Variants in RIT2 observed in about 807,000 individuals in gnomAD.
RIT2 encodes the protein GTP-binding protein Rit2.
Under a neutral mutation model 23.7 loss-of-function variants are expected in RIT2, and 24 were observed. That is an observed-to-expected ratio of 1.01 (90% confidence interval 0.73 to 1.43). RIT2 has a LOEUF of 1.43. RIT2 is among the 40% of genes most tolerant of loss of function. RIT2 has a pLI of 0.00. For missense variants in RIT2, 236 were observed against 266.9 expected, an observed-to-expected ratio of 0.88 and a Z score of 0.81; for synonymous variants, 107 against 91.1, an observed-to-expected ratio of 1.17 and a Z score of -0.99.
chr18:42,982,082 T>C (rs1245479171), intron 2 of RIT2, among the ~76,000 whole-genome samples: 2 of 152,158 alleles, frequency 1.3e-5, no homozygotes, highest in Admixed American at 1.3e-4. Context: ...CAAATGCAGA[T>C]GTACAAAAAG....
intron 1 of RIT2, among the ~76,000 whole-genome samples, chr18:43,060,015 A>T (rs1568070270): frequency 1.3e-5 from 2 of 152,160 alleles, no homozygotes; most frequent in Non-Finnish European, 2.9e-5. Flanking sequence ...AATTAGGCTT[A>T]AAGCACAGTC....
intron 4 of RIT2, among the ~76,000 whole-genome samples, chr18:42,890,701 A>G (rs1479027531): frequency 6.6e-6 from 1 of 152,162 alleles, no homozygotes; most frequent in Non-Finnish European, 1.5e-5. Flanking sequence ...CAAGGACATT[A>G]ATGTAGCCTG....
At chr18:42,995,748 C>T (rs1910967378) in intron 2 of RIT2, among the ~76,000 whole-genome samples, 2 of 152,178 alleles carry the variant, frequency 1.3e-5, no homozygotes, top group African/African-American at 2.4e-5. Flanking sequence ...CAGGGTACAG[C>T]CCATTTAAGC....
intron 1 of RIT2, among the ~76,000 whole-genome samples, chr18:43,110,303 C>T (rs550105641): frequency 3.2e-4 from 49 of 151,972 alleles, no homozygotes; most frequent in African/African-American, 1.1e-3. Flanking sequence ...TAAAAACCTA[C>T]TAACTTAGAA....
At chr18:42,828,952 G>T (rs1246916826) in intron 4 of RIT2, among the ~76,000 whole-genome samples, 2 of 152,150 alleles carry the variant, frequency 1.3e-5, no homozygotes, top group Non-Finnish European at 2.9e-5. Context: ...CACAGGTGCT[G>T]CCCTAGACTA....
chr18:43,076,781 T>C (rs1015777195), intron 1 of RIT2, among the ~76,000 whole-genome samples: 1 of 152,120 alleles, frequency 6.6e-6, no homozygotes, highest in African/African-American at 2.4e-5. Flanking sequence ...CAGATAGCAA[T>C]GGCAAAGAGT....
Position 42,746,832 on chromosome 18 carries a change from G to A in RIT2, c.427-3112C>T, listed in dbSNP as rs111316412. On this transcript the variant is annotated intron_variant, in intron 4 of 4. Coordinates refer to ENST00000326695, the MANE Select transcript of RIT2 (RefSeq NM_002930.4). ...GATAATCTCAATAGATGCAGAAAAA[G>A]CATTTGACAAAATCCAGCATCCCTT... 5.7e-3 allele frequency among the ~76,000 whole-genome samples: 863 copies of A among 152,128 alleles called. 7 individuals carry two copies. The highest frequency in any genetic ancestry group is 0.02 in the African/African-American group (819 of 41,520).
At chr18:42,982,408 A>T (rs575705575) in intron 2 of RIT2, among the ~76,000 whole-genome samples, 1 of 152,116 alleles carries the variant, frequency 6.6e-6, no homozygotes, top group East Asian at 1.9e-4. Context: ...CTCTGCAAAC[A>T]CTCCCACATA....
rs574871085 is a variant in RIT2 at position 43,100,188 on chromosome 18, G to A, written c.103+15229C>T. Among the ~76,000 whole-genome samples, 9 of 152,100 alleles carry A rather than the reference G, an allele frequency of 5.9e-5. No homozygotes were observed. In the South Asian group the frequency reaches 1.7e-3, roughly 28 times the overall value. On this transcript the variant is annotated intron_variant, in intron 1 of 4. Coordinates refer to ENST00000326695, the MANE Select transcript of RIT2 (RefSeq NM_002930.4). ...GTTTTTCAATAGAATAGGCTGGTGC[G>A]GACAGGTCCATTGATGCGACAATAG...
chr18:42,833,792 C>T (rs905328494), intron 4 of RIT2, among the ~76,000 whole-genome samples: 1 of 151,792 alleles, frequency 6.6e-6, no homozygotes. Flanking sequence ...CAACTCTGTG[C>T]TCAGCCTTTG....
chr18:43,089,262 C>A (rs929886129), intron 1 of RIT2, among the ~76,000 whole-genome samples: 1 of 151,954 alleles, frequency 6.6e-6, no homozygotes, highest in Non-Finnish European at 1.5e-5. Flanking sequence ...GATACAAAAT[C>A]AATGTGCGAA....
At chr18:42,791,612 A>T (rs1258550286) in intron 4 of RIT2, among the ~76,000 whole-genome samples, 1 of 152,216 alleles carries the variant, frequency 6.6e-6, no homozygotes, top group Non-Finnish European at 1.5e-5. Context: ...AAGATTGTTA[A>T]ATCTTAATTT....
At chr18:42,759,935 G>A (rs780204933) in intron 4 of RIT2, among the ~76,000 whole-genome samples, 23 of 151,818 alleles carry the variant, frequency 1.5e-4, no homozygotes, top group Non-Finnish European at 3.2e-4. Context: ...GTGCCACCAC[G>A]CATAGCAAAT....
chr18:42,949,410 A>C (rs1316096083), intron 3 of RIT2, among the ~76,000 whole-genome samples: 1 of 152,150 alleles, frequency 6.6e-6, no homozygotes, highest in East Asian at 1.9e-4. Flanking sequence ...TTTTCAAATG[A>C]AAAAATGAGG....
At chr18:42,807,689 T>C (rs551734658) in intron 4 of RIT2, among the ~76,000 whole-genome samples, 2 of 152,206 alleles carry the variant, frequency 1.3e-5, no homozygotes, top group Non-Finnish European at 2.9e-5. Context: ...AATAAAAACA[T>C]AAAACAAAAC....
chr18:43,003,761 GACAC>G (rs56860348), intron 2 of RIT2, among the ~76,000 whole-genome samples: 40,319 of 128,990 alleles, frequency 0.31, 7,631 homozygotes, highest in Non-Finnish European at 0.43. Flanking sequence ...CCTCCTCAGT[GACAC>G]ACACACACAC....
At chr18:42,930,471 T>C (rs1167449153) in intron 3 of RIT2, among the ~76,000 whole-genome samples, 1 of 152,098 alleles carries the variant, frequency 6.6e-6, no homozygotes, top group Non-Finnish European at 1.5e-5. Context: ...TTAAATGAGA[T>C]GGTCGAAGTC....
At chr18:42,882,075 C>T (rs931156604) in intron 4 of RIT2, among the ~76,000 whole-genome samples, 2 of 152,214 alleles carry the variant, frequency 1.3e-5, no homozygotes, top group Non-Finnish European at 2.9e-5. Flanking sequence ...CTCTCTATTT[C>T]ACATTGGGCT....
intron 4 of RIT2, among the ~76,000 whole-genome samples, chr18:42,885,612 C>A (rs953934682): frequency 6.6e-6 from 1 of 151,926 alleles, no homozygotes; most frequent in African/African-American, 2.4e-5. Flanking sequence ...AATAATCAGG[C>A]TCCAAAATAT....
Sources: gnomAD v4.1 joint callset for allele counts (sites outside exome capture counted in the v4.1 genomes callset) on GRCh38, gnomAD v4.1.1 for gene constraint, MANE v1.5 for transcripts, NCBI Gene and HGNC (gene_info 2026-07-23, HGNC 2026-07-21) for gene names.